SLC25A6: variants seen among roughly 807,000 people sequenced by gnomAD.
The protein encoded by SLC25A6 is solute carrier family 25 member 6.
SLC25A6 carries 9 observed loss-of-function variants against 25.7 expected under a neutral mutation model. The observed-to-expected ratio is 0.35, with a 90% CI of 0.21 to 0.61. SLC25A6 has a LOEUF of 0.61. SLC25A6 is among the 20% of genes least tolerant of loss of function. The probability of loss-of-function intolerance (pLI) is 0.76; values close to 1 mark genes in which losing one functional copy is unlikely to be tolerated. For synonymous variants in SLC25A6, 223 were observed against 197.0 expected (o/e 1.13, Z -1.11); for missense variants, 404 against 440.5 (o/e 0.92, Z 0.74).
At chrX:1,391,800 G>A (rs1348646765) in intron 1 of SLC25A6, 99 bp downstream of exon 1, 2 of 904,764 alleles carry the variant, frequency 2.2e-6, no homozygotes, top group Non-Finnish European at 3.3e-6. Context: ...TTCCACTTCC[G>A]GCGCCCGCCT....
At chrX:1,387,517 C>T (rs1569529126) in intron 2 of SLC25A6, 98 bp from the exon 3 acceptor site, 1 of 1,503,642 alleles carries the variant, frequency 6.7e-7, no homozygotes, top group Non-Finnish European at 9.0e-7. Flanking sequence ...TGAGGTGGTG[C>T]CGAGCTCTTC....
chrX:1,387,240 C>T (rs1377694159), intron 3 of SLC25A6, 39 bp downstream of exon 3: 6 of 1,605,024 alleles, frequency 3.7e-6, no homozygotes, highest in Admixed American at 3.3e-5. Flanking sequence ...AGCTTGGTTC[C>T]CCTTCCCGGC....
rs1408611398 is a variant in SLC25A6, at chrX:1,391,523, G to A, written c.111+376C>T. Among the ~76,000 whole-genome samples, 12 of 152,352 alleles carry A rather than the reference G, an allele frequency of 7.9e-5. No homozygotes were observed. The East Asian group carries it at 2.1e-3, about 27-fold the overall frequency. ...TTAGAATTACCCTTCACGGTGGAGG[G>A]AGCAAGAGCAGACACCTGCCAGGCA... On this transcript the variant is annotated intron_variant, in intron 1 of 3. Transcript: ENST00000381401.
At chrX:1,387,735 C>T (rs2089344353) in intron 2 of SLC25A6, among the ~76,000 whole-genome samples, 1 of 152,196 alleles carries the variant, frequency 6.6e-6, no homozygotes, top group Non-Finnish European at 1.5e-5. Context: ...GGGAGTTACA[C>T]TCTGTCCTCA....
chrX:1,387,517 C>A (rs1569529126), intron 2 of SLC25A6, 98 bp from the exon 3 acceptor site: 1 of 1,503,524 alleles, frequency 6.7e-7, no homozygotes, highest in Admixed American at 1.9e-5. Flanking sequence ...TGAGGTGGTG[C>A]CGAGCTCTTC....
rs1263328985 is a variant in SLC25A6, at chrX:1,392,053, G to C, written c.-44C>G. On this transcript the variant is annotated 5_prime_UTR_variant, in exon 1 of 4. Transcript: ENST00000381401. ...GGAACGGGAGGACAGCCGGAGAACG[G>C]GCGCGGAGAGTGAATGGAGGGCGTC... 2.7e-6 allele frequency: 4 copies of C among 1,464,058 alleles called. No individual in the cohort carries two copies. The Admixed American group carries it at 5.6e-5, about 21-fold the overall frequency. 90.7% of individuals were successfully genotyped at this position (1,464,058 alleles called of 1,614,324 possible).
chrX:1,392,053 G>A lies in SLC25A6; in HGVS notation c.-44C>T. 1 of 1,464,176 alleles carries A rather than the reference G, an allele frequency of 6.8e-7. No homozygotes were observed. The highest frequency in any genetic ancestry group is 1.9e-5 in the Admixed American group (1 of 53,218). 90.7% of individuals were successfully genotyped at this position (1,464,176 alleles called of 1,614,324 possible). ...GGAACGGGAGGACAGCCGGAGAACG[G>A]GCGCGGAGAGTGAATGGAGGGCGTC... On this transcript the variant is annotated 5_prime_UTR_variant, in exon 1 of 4. Coordinates refer to ENST00000381401, the MANE Select transcript of SLC25A6 (RefSeq NM_001636.4).
At chrX:1,391,795 C>T in intron 1 of SLC25A6, 104 bp downstream of exon 1, 2 of 862,278 alleles carry the variant, frequency 2.3e-6, no homozygotes, top group East Asian at 3.0e-5. Context: ...CGGCCTTCCA[C>T]TTCCGGCGCC....
intron 2 of SLC25A6, among the ~76,000 whole-genome samples, chrX:1,388,803 G>A (rs2089361758): frequency 6.6e-6 from 1 of 150,560 alleles, no homozygotes; most frequent in Non-Finnish European, 1.5e-5. Context: ...CTCATAACAA[G>A]AGGAGATGAG....
chrX:1,389,773 C>A (rs1316194229), intron 1 of SLC25A6, 46 bp from the exon 2 acceptor site: 2 of 1,593,834 alleles, frequency 1.3e-6, no homozygotes, highest in Non-Finnish European at 1.7e-6. Context: ...GGCCAACCAC[C>A]CAGAAACATC....
rs1417807954 is a variant in SLC25A6, at chrX:1,389,225, T to C, written c.598+16A>G. 8.7e-6 allele frequency: 14 copies of C among 1,605,434 alleles called. No individual in the cohort carries two copies. The South Asian group carries it at 1.2e-4, about 14-fold the overall frequency. On this transcript the variant is annotated intron_variant, in intron 2 of 3. Coordinates refer to ENST00000381401, the MANE Select transcript of SLC25A6 (RefSeq NM_001636.4). ...TGAGCCCGTCTCTGGGACTTCGCGA[T>C]GGCAGCCACACGTACCCTTGGCCGT...
chrX:1,387,002 T>G (rs1348541478), intron 3 of SLC25A6, among the ~76,000 whole-genome samples: 1 of 151,364 alleles, frequency 6.6e-6, no homozygotes, highest in Non-Finnish European at 1.5e-5. Context: ...CACCCCGGGG[T>G]CCATGCAGAG....
chrX:1,388,281 G>C (rs1393355920), intron 2 of SLC25A6, among the ~76,000 whole-genome samples: 2 of 150,090 alleles, frequency 1.3e-5, no homozygotes, highest in Admixed American at 6.7e-5. Flanking sequence ...AATGTCTGTT[G>C]TTTACAGTCC....
In SLC25A6 at chrX:1,389,163, C is replaced by A. The variant is rs73618963; in HGVS notation, c.598+78G>T. 420 of 1,512,906 alleles carry A rather than the reference C, an allele frequency of 2.8e-4. 3 individuals are homozygous for A. In the African/African-American group the frequency reaches 5.3e-3, roughly 19 times the overall value. The allele number at this position is 1,512,906 out of a possible 1,614,324, so 93.7% of individuals were successfully genotyped here. Reference sequence around the variant, plus strand: ...GCCCTGCCCACACCTTATCTCAGACCTTCAGCCCACAGGACCCTGGGGGAA... The same window carrying A: ...GCCCTGCCCACACCTTATCTCAGACATTCAGCCCACAGGACCCTGGGGGAA... On this transcript the variant is annotated intron_variant, in intron 2 of 3. Transcript: ENST00000381401.
Position 1,386,507 on chromosome X carries a change from A to G in SLC25A6, c.*95T>C. 7.5e-7 allele frequency: 1 copy of G among 1,337,162 alleles called. No homozygotes were observed. Among genetic ancestry groups the G allele is most frequent in the Admixed American group, 3.0e-5 (1 of 33,012 alleles). 82.8% of individuals were successfully genotyped at this position (1,337,162 alleles called of 1,614,324 possible). ...TGCGGCTGGGAAAAAGACAACTGGA[A>G]TTTCTCGAAGGTTGATGGTCCGCAC... On this transcript the variant is annotated 3_prime_UTR_variant, in exon 4 of 4. Coordinates refer to ENST00000381401, the MANE Select transcript of SLC25A6 (RefSeq NM_001636.4).
At chrX:1,388,795 C>T (rs1339303765) in intron 2 of SLC25A6, among the ~76,000 whole-genome samples, 3 of 151,472 alleles carry the variant, frequency 2.0e-5, no homozygotes, top group Middle Eastern at 3.4e-3. Flanking sequence ...TAAGACATCT[C>T]ATAACAAGAG....
intron 2 of SLC25A6, among the ~76,000 whole-genome samples, chrX:1,387,826 A>T (rs35187644): frequency 0.24 from 37,127 of 151,930 alleles, 4,863 homozygotes; most frequent in Admixed American, 0.31. Flanking sequence ...TGAAAGAGGT[A>T]AGACTAAAGG....
In SLC25A6 at chrX:1,386,424, T is replaced by G; in HGVS notation, c.*178A>C. Reference sequence around the variant, plus strand: ...ATCAAGACACGGAATCGGCTGCCGATGGTTGGATCGCAATGCGCCCCTTTT... The same window carrying G: ...ATCAAGACACGGAATCGGCTGCCGAGGGTTGGATCGCAATGCGCCCCTTTT... On this transcript the variant is annotated 3_prime_UTR_variant, in exon 4 of 4. Coordinates refer to ENST00000381401, the MANE Select transcript of SLC25A6 (RefSeq NM_001636.4). 1 of 786,898 alleles carries G rather than the reference T, an allele frequency of 1.3e-6. No homozygotes were observed. Among genetic ancestry groups the G allele is most frequent in the Non-Finnish European group, 1.9e-6 (1 of 538,208 alleles). 48.7% of individuals were successfully genotyped at this position (786,898 alleles called of 1,614,324 possible). A position where few individuals can be genotyped will look rare whatever the true frequency, so the allele number is the denominator to read the frequency against.
rs1244063114 is a variant in SLC25A6, at chrX:1,392,082, G to A, written c.-73C>T. 7 of 1,147,104 alleles carry A rather than the reference G, an allele frequency of 6.1e-6. No individual in the cohort carries two copies. In the African/African-American group the frequency reaches 1.1e-4, roughly 18 times the overall value. 71.1% of individuals were successfully genotyped at this position (1,147,104 alleles called of 1,614,324 possible). ...CGGAGAGTGAATGGAGGGCGTCGCT[G>A]GCTCAGCCCTGCCGCCGCCTGGACC... On this transcript the variant is annotated 5_prime_UTR_variant, in exon 1 of 4. Coordinates refer to ENST00000381401, the MANE Select transcript of SLC25A6 (RefSeq NM_001636.4).
Sources: allele counts gnomAD v4.1 joint callset (sites outside exome capture counted in the v4.1 genomes callset), GRCh38; gene constraint gnomAD v4.1.1; transcripts MANE v1.5; gene names NCBI Gene and HGNC (gene_info 2026-07-23, HGNC 2026-07-21).